The following LNX1 variants were observed in gnomAD, a reference collection of about 807,000 sequenced individuals.
LNX1 encodes the protein E3 ubiquitin-protein ligase LNX.
In LNX1, 54 loss-of-function variants were observed where a neutral mutation model predicts 68.4. The observed-to-expected ratio is 0.79, with a 90% CI of 0.63 to 0.99. LNX1 has a LOEUF of 0.99. LNX1 is among the 50% of genes least tolerant of loss of function. The pLI, the probability that LNX1 is intolerant of heterozygous loss-of-function variation, is 0.00. For synonymous variants in LNX1, 336 were observed against 350.0 expected (o/e 0.96, Z 0.45); for missense variants, 906 against 926.4 (o/e 0.98, Z 0.29).
chr4:53,531,231 A>C (rs978990603), intron 2 of LNX1, among the ~76,000 whole-genome samples: 2 of 152,238 alleles, frequency 1.3e-5, no homozygotes, highest in African/African-American at 4.8e-5. Flanking sequence ...TGCTGTGGAC[A>C]TGAGGTGGGG....
chr4:53,546,627 G>A (rs918597925), intron 2 of LNX1, among the ~76,000 whole-genome samples: 2 of 152,078 alleles, frequency 1.3e-5, no homozygotes, highest in Non-Finnish European at 2.9e-5. Context: ...TATAAAATAG[G>A]GGGATTAGAC....
At chr4:53,559,951 G>A (rs1380112326) in intron 2 of LNX1, among the ~76,000 whole-genome samples, 1 of 152,154 alleles carries the variant, frequency 6.6e-6, no homozygotes, top group Non-Finnish European at 1.5e-5. Context: ...GCAAGCCACT[G>A]CACCTGGGTC....
chr4:53,555,252 G>A (rs1259157927), intron 2 of LNX1, among the ~76,000 whole-genome samples: 14 of 152,108 alleles, frequency 9.2e-5, no homozygotes, highest in Non-Finnish European at 1.6e-4. Context: ...CCTATTTACT[G>A]TTCCAAATGA....
At chr4:53,508,270 T>G in intron 2 of LNX1, 43 bp from the exon 3 acceptor site, 1 of 1,597,520 alleles carries the variant, frequency 6.3e-7, no homozygotes, top group Non-Finnish European at 8.6e-7. Context: ...GCTTTGGCTC[T>G]GCTGCCATTC....
At chr4:53,648,473 C>T (rs577835250) in intron 1 of LNX1, among the ~76,000 whole-genome samples, 95 of 152,272 alleles carry the variant, frequency 6.2e-4, no homozygotes, top group Admixed American at 3.7e-3. Flanking sequence ...TGTTGTTGAA[C>T]TGTAGGGGTT....
At chr4:53,580,835 G>A (rs7675771) in intron 1 of LNX1, among the ~76,000 whole-genome samples, 7 of 152,016 alleles carry the variant, frequency 4.6e-5, no homozygotes, top group East Asian at 3.9e-4. Flanking sequence ...GTTTGTAAAC[G>A]TTCCTTTACT....
chr4:53,585,749 C>T (rs1189729941), intron 1 of LNX1, among the ~76,000 whole-genome samples: 1 of 152,212 alleles, frequency 6.6e-6, no homozygotes. Flanking sequence ...AAGACCCTCT[C>T]CTGGAGCCTT....
At chr4:53,635,212 A>G (rs1429098937) in intron 1 of LNX1, among the ~76,000 whole-genome samples, 1 of 152,126 alleles carries the variant, frequency 6.6e-6, no homozygotes, top group Non-Finnish European at 1.5e-5. Context: ...TGGGGTGAGG[A>G]TGGGCAGAAT....
chr4:53,596,342 T>C (rs1732752887), upstream of LNX1, among the ~76,000 whole-genome samples: 1 of 152,196 alleles, frequency 6.6e-6, no homozygotes, highest in Non-Finnish European at 1.5e-5. Context: ...TTGTGTGCTT[T>C]TGGGGAGAGA....
At chr4:53,501,311 G>GGGGGGGGAC (rs1553932778) in intron 4 of LNX1, among the ~76,000 whole-genome samples, 1 of 55,696 alleles carries the variant, frequency 1.8e-5, no homozygotes, top group Non-Finnish European at 3.6e-5. Flanking sequence ...GGGGTGGGGG[G>GGGGGGGGAC]ACAGGATCTC....
intron 2 of LNX1, among the ~76,000 whole-genome samples, chr4:53,514,124 C>A (rs190565943): frequency 2.0e-5 from 3 of 152,176 alleles, no homozygotes. Flanking sequence ...ATTTAAACAG[C>A]GGCTTCTTTT....
chr4:53,494,274 G>A (rs1190412971), intron 6 of LNX1, among the ~76,000 whole-genome samples: 2 of 152,152 alleles, frequency 1.3e-5, no homozygotes, highest in Non-Finnish European at 2.9e-5. Flanking sequence ...CTGCTGCCAT[G>A]TAAGACTGGC....
chr4:53,470,159 C>T (rs1723045195), intron 9 of LNX1, among the ~76,000 whole-genome samples: 1 of 152,206 alleles, frequency 6.6e-6, no homozygotes, highest in Admixed American at 6.5e-5. Context: ...AAGTGGGCTT[C>T]ATCCCTGGGA....
chr4:53,538,274 C>A (rs546483811), intron 2 of LNX1, among the ~76,000 whole-genome samples: 2 of 152,188 alleles, frequency 1.3e-5, no homozygotes, highest in Non-Finnish European at 2.9e-5. Flanking sequence ...GGACTGCCTA[C>A]AGAACAGTTG....
At chr4:53,472,695 A>AT (rs1341411776) in intron 9 of LNX1, among the ~76,000 whole-genome samples, 1 of 139,290 alleles carries the variant, frequency 7.2e-6, no homozygotes, top group African/African-American at 2.6e-5. Flanking sequence ...CAAAAAAAAA[A>AT]AAAACAAAAA....
Position 53,501,281 on chromosome 4 carries a change from CT to C in LNX1, c.776-2439del, listed in dbSNP as rs11401056. Among the ~76,000 whole-genome samples, 263 of 63,680 alleles carry C rather than the reference CT, an allele frequency of 4.1e-3. 3 individuals carry two copies. Among genetic ancestry groups the C allele is most frequent in the African/African-American group, 0.011 (177 of 16,382 alleles). The allele number at this position is 63,680 out of a possible 152,430, so 41.8% of individuals were successfully genotyped here. ...ACCCTATGAAATAGATGATAATAAT[CT>C]TTTTTTTTTTTTTTTTTGGGGGTGG... On this transcript the variant is annotated intron_variant, in intron 4 of 10. Transcript: ENST00000263925.
intron 6 of LNX1, among the ~76,000 whole-genome samples, chr4:53,491,121 T>C (rs549409088): frequency 4.3e-4 from 66 of 152,194 alleles, no homozygotes; most frequent in Non-Finnish European, 8.8e-4. Context: ...AATGACATGA[T>C]GAGTAAGAGT....
At chr4:53,461,620 T>G (rs759374028) in intron 9 of LNX1, 27 bp from the exon 10 acceptor site, 43 of 1,561,528 alleles carry the variant, frequency 2.8e-5, no homozygotes, top group Non-Finnish European at 3.3e-5. Flanking sequence ...TCAGTGTACA[T>G]GCATATTTAA....
rs184853130 is a variant in LNX1, at chr4:53,574,671, G to A, written c.-86-583C>T. Among the ~76,000 whole-genome samples, 532 of 152,306 alleles carry A rather than the reference G, an allele frequency of 3.5e-3. 1 individual carries two copies. Among genetic ancestry groups the A allele is most frequent in the African/African-American group, 0.012 (509 of 41,558 alleles). On this transcript the variant is annotated intron_variant, in intron 1 of 10. Transcript: ENST00000263925. ...GTCGTTAGTGGCTAAGTGGGCTCTG[G>A]ACACTTTGCCTGGGTTCAAATCCCA...
Sources: allele counts gnomAD v4.1 joint callset (sites outside exome capture counted in the v4.1 genomes callset), GRCh38; gene constraint gnomAD v4.1.1; transcripts MANE v1.5; gene names NCBI Gene and HGNC (gene_info 2026-07-23, HGNC 2026-07-21).